ZNF141: variants seen among roughly 807,000 people sequenced by gnomAD.
The protein encoded by ZNF141 is zinc finger protein 141.
ZNF141 carries 7 observed loss-of-function variants against 11.3 expected under a neutral mutation model. The ratio of observed to expected loss-of-function variants is 0.62; its 90% CI spans 0.35 to 1.16. The LOEUF is 1.16. Ranked by LOEUF, ZNF141 falls within the 50% of genes most tolerant of loss-of-function variation. The pLI, the probability that ZNF141 is intolerant of heterozygous loss-of-function variation, is 0.02. For synonymous variants in ZNF141, 183 were observed against 190.7 expected (o/e 0.96, Z 0.33); for missense variants, 535 against 554.0 (o/e 0.97, Z 0.34).
chr4:338,810 T>C (rs1173877214), intron 1 of ZNF141, among the ~76,000 whole-genome samples: 11 of 152,086 alleles, frequency 7.2e-5, no homozygotes, highest in Non-Finnish European at 1.6e-4. Context: ...GGACAGCCCG[T>C]TGGGGTCGGA....
rs570738677 is a variant in ZNF141, at chr4:379,803, G to A, written c.*5941G>A. On this transcript the variant is annotated 3_prime_UTR_variant, in exon 4 of 4. Coordinates refer to ENST00000240499, the MANE Select transcript of ZNF141 (RefSeq NM_003441.4). ...TTTAAAATATATTTGTTAATTGACA[G>A]ATAAAATATCCTGTAGAATATGGTG... Among the ~76,000 whole-genome samples, 43 of 152,318 alleles carry A rather than the reference G, an allele frequency of 2.8e-4. No individual in the cohort carries two copies. The South Asian group carries it at 6.2e-3, about 22-fold the overall frequency.
rs756390277 is a variant in ZNF141, at chr4:383,385, C to T, written c.*9523C>T. 1.1e-4 allele frequency: 49 copies of T among 436,860 alleles called. No homozygotes were observed. Among genetic ancestry groups the T allele is most frequent in the Non-Finnish European group, 1.2e-4 (30 of 247,658 alleles). 27.1% of individuals were successfully genotyped at this position (436,860 alleles called of 1,614,324 possible). ...ACCCATTAAAGACAGGATCTCAGGACAGATTGATCACAAATAACCTGCAAA... is the reference window on the plus strand; with the variant it reads ...ACCCATTAAAGACAGGATCTCAGGATAGATTGATCACAAATAACCTGCAAA... On this transcript the variant is annotated 3_prime_UTR_variant, in exon 4 of 4. Transcript: ENST00000240499.
chr4:360,824 C>T (rs113178711), intron 3 of ZNF141, among the ~76,000 whole-genome samples: 13 of 152,114 alleles, frequency 8.5e-5, no homozygotes, highest in East Asian at 1.9e-4. Context: ...TATATAAATG[C>T]GAATTTTCTA....
At chr4:340,370 A>G (rs1252950449) in intron 1 of ZNF141, among the ~76,000 whole-genome samples, 1 of 152,248 alleles carries the variant, frequency 6.6e-6, no homozygotes, top group Non-Finnish European at 1.5e-5. Context: ...AGATTTCTAC[A>G]AAAATGACTT....
At chr4:367,412 G>C (rs1203422967) in intron 3 of ZNF141, among the ~76,000 whole-genome samples, 1 of 152,154 alleles carries the variant, frequency 6.6e-6, no homozygotes, top group East Asian at 1.9e-4. Context: ...TTTGTGTGTG[G>C]GAGAAACACT....
rs767828230 is a variant in ZNF141 at position 380,855 on chromosome 4, A to G, written c.*6993A>G. Among the ~76,000 whole-genome samples, 27 of 152,206 alleles carry G rather than the reference A, an allele frequency of 1.8e-4. No homozygotes were observed. The highest frequency in any genetic ancestry group is 3.7e-4 in the Non-Finnish European group (25 of 68,040). ...TGATTATCTTAAACACATTCTTAAT[A>G]AAAATTTAACAAAAATTGTTAAATG... On this transcript the variant is annotated 3_prime_UTR_variant, in exon 4 of 4. Transcript: ENST00000240499.
Position 351,475 on chromosome 4 carries a change from C to T in ZNF141, c.226+7045C>T, listed in dbSNP as rs181640023. Among the ~76,000 whole-genome samples, 330 of 152,190 alleles carry T rather than the reference C, an allele frequency of 2.2e-3. 1 individual carries two copies. Among genetic ancestry groups the T allele is most frequent in the African/African-American group, 7.4e-3 (309 of 41,542 alleles). ...TCTCCTGACCTCATGATCCGCCCCTCGGCCTCCAAAAGTGCTGAGATTACA... is the reference window on the plus strand; with the variant it reads ...TCTCCTGACCTCATGATCCGCCCCTTGGCCTCCAAAAGTGCTGAGATTACA... On this transcript the variant is annotated intron_variant, in intron 3 of 3. Coordinates refer to ENST00000240499, the MANE Select transcript of ZNF141 (RefSeq NM_003441.4).
intron 3 of ZNF141, among the ~76,000 whole-genome samples, chr4:366,749 A>C (rs1553852973): frequency 6.6e-6 from 1 of 152,196 alleles, no homozygotes; most frequent in East Asian, 1.9e-4. Flanking sequence ...ATCTTGGCTC[A>C]CCACAACCTC....
rs1232484659 is a variant in ZNF141, at chr4:373,234, G to A, written c.797G>A (p.Arg266Lys). ...KCEECGKAFN[R>K]FTTLTKHKRI... ...GAAGAATGTGGCAAAGCCTTTAATA[G>A]GTTCACAACCCTTACTAAACATAAG... The change falls in exon 4 of 4, where the codon AGG (arginine) becomes AAG (lysine). Residue 266 changes from arginine to lysine, a missense_variant. By Grantham distance (26) the Arg-to-Lys change is conservative. Transcript: ENST00000240499. The A allele has an allele frequency of 1.2e-5, 20 of 1,611,650 alleles. No homozygotes were observed. The highest frequency in any genetic ancestry group is 1.7e-5 in the Non-Finnish European group (20 of 1,179,408).
intron 3 of ZNF141, among the ~76,000 whole-genome samples, chr4:347,893 G>A (rs1553849892): frequency 6.7e-6 from 1 of 149,814 alleles, no homozygotes; most frequent in Non-Finnish European, 1.5e-5. Flanking sequence ...CGCCCGAGCT[G>A]AAGTGCAGTG....
At position 377,802 on chromosome 4, in the gene ZNF141, T is replaced by G. The variant is rs1424547241; in HGVS notation, c.*3940T>G. On this transcript the variant is annotated 3_prime_UTR_variant, in exon 4 of 4. Transcript: ENST00000240499. ...AAGTAAAACATTAATATAAGTGGGT[T>G]GTATATTGTACCACCATATGAAGAA... is the stretch of plus-strand genomic sequence containing the variant. Among the ~76,000 whole-genome samples, 1 of 152,218 alleles carries G rather than the reference T, an allele frequency of 6.6e-6. No individual in the cohort carries two copies. The highest frequency in any genetic ancestry group is 2.4e-5 in the African/African-American group (1 of 41,452).
intron 3 of ZNF141, among the ~76,000 whole-genome samples, chr4:344,788 G>T (rs1198059925): frequency 6.6e-6 from 1 of 152,082 alleles, no homozygotes; most frequent in Non-Finnish European, 1.5e-5. Context: ...GTTAGACTCC[G>T]TCTCAAAAAA....
intron 1 of ZNF141, among the ~76,000 whole-genome samples, chr4:339,963 T>G (rs1720972413): frequency 6.6e-6 from 1 of 152,234 alleles, no homozygotes; most frequent in Admixed American, 6.5e-5. Context: ...ATAAACTATG[T>G]ATGATACATG....
intron 3 of ZNF141, among the ~76,000 whole-genome samples, chr4:349,092 T>G (rs1721473700): frequency 6.6e-6 from 1 of 152,154 alleles, no homozygotes; most frequent in South Asian, 2.1e-4. Flanking sequence ...ATGGAAATGG[T>G]TTCTATTTTT....
In ZNF141 at chr4:372,690, C is replaced by G. The variant is rs782491354; in HGVS notation, c.253C>G (p.His85Asp). The change falls in exon 4 of 4, where the codon CAT becomes GAT. Residue 85 changes from histidine to aspartate, a missense_variant. Coordinates refer to ENST00000240499, the MANE Select transcript of ZNF141 (RefSeq NM_003441.4). ...TATGTGTTCTCATTTCACCCAAGAC[C>G]ATTGGCCAGTGCAGGGCATAGAAGA... is the stretch of plus-strand genomic sequence containing the variant. ...PAMCSHFTQD[H>D]WPVQGIEDSF... 5 of 1,556,146 alleles carry G rather than the reference C, an allele frequency of 3.2e-6. No individual in the cohort carries two copies. In the East Asian group the frequency reaches 1.1e-4, roughly 35 times the overall value.
chr4:341,810 A>G (rs551993551), intron 1 of ZNF141, among the ~76,000 whole-genome samples: 11 of 152,294 alleles, frequency 7.2e-5, no homozygotes, highest in African/African-American at 2.2e-4. Context: ...TGGTGCCCAC[A>G]ATTTTCTGAA....
At position 380,416 on chromosome 4, in the gene ZNF141, G is replaced by T. The variant is rs1023484699; in HGVS notation, c.*6554G>T. Among the ~76,000 whole-genome samples the T allele has an allele frequency of 6.6e-6, 1 of 152,080 alleles. No individual in the cohort carries two copies. The highest frequency in any genetic ancestry group is 1.5e-5 in the Non-Finnish European group (1 of 68,014). ...CACCTGTAATCCCAGCACTTTGGGCGCCCAAGGCAGGTGGATCATGAGGTC... is the reference window on the plus strand; with the variant it reads ...CACCTGTAATCCCAGCACTTTGGGCTCCCAAGGCAGGTGGATCATGAGGTC... On this transcript the variant is annotated 3_prime_UTR_variant, in exon 4 of 4. Transcript: ENST00000240499.
intron 1 of ZNF141, 29 bp downstream of exon 1, chr4:338,015 G>A: frequency 6.2e-7 from 1 of 1,612,808 alleles, no homozygotes; most frequent in African/African-American, 1.3e-5. Context: ...GCGTCCCAAG[G>A]CTGAGGAGGT....
At chr4:364,301 G>A (rs1206694135) in intron 3 of ZNF141, among the ~76,000 whole-genome samples, 2 of 152,124 alleles carry the variant, frequency 1.3e-5, no homozygotes, top group South Asian at 4.1e-4. Flanking sequence ...GTAGAATTCG[G>A]CTGTGAATTC....
Sources: allele counts gnomAD v4.1 joint callset (sites outside exome capture counted in the v4.1 genomes callset), GRCh38; gene constraint gnomAD v4.1.1; transcripts MANE v1.5; gene names NCBI Gene and HGNC (gene_info 2026-07-23, HGNC 2026-07-21).